CHCHD3: variants seen among roughly 807,000 people sequenced by gnomAD.
The protein encoded by CHCHD3 is MICOS complex subunit MIC19.
A neutral mutation model predicts 38.2 loss-of-function variants in CHCHD3; 20 were observed. The ratio of observed to expected loss-of-function variants is 0.52; its 90% CI spans 0.37 to 0.76. The LOEUF is 0.76. Ranked by LOEUF, CHCHD3 falls within the 30% of genes least tolerant of loss-of-function variation. The probability of loss-of-function intolerance (pLI) is 0.00; values close to 1 mark genes in which losing one functional copy is unlikely to be tolerated. For synonymous variants in CHCHD3, 82 were observed against 100.0 expected, an observed-to-expected ratio of 0.82 and a Z score of 1.07; for missense variants, 245 against 279.2, an observed-to-expected ratio of 0.88 and a Z score of 0.87.
chr7:132,953,480 C>A (rs1292259299), intron 4 of CHCHD3, among the ~76,000 whole-genome samples: 1 of 152,114 alleles, frequency 6.6e-6, no homozygotes, highest in East Asian at 1.9e-4. Context: ...ACCAAATTGC[C>A]ATTATACCAA....
At chr7:132,976,977 C>T (rs907658695) in intron 3 of CHCHD3, among the ~76,000 whole-genome samples, 5 of 152,038 alleles carry the variant, frequency 3.3e-5, no homozygotes, top group African/African-American at 4.8e-5. Flanking sequence ...ATCTGTATTT[C>T]GAAATTCTCT....
chr7:132,812,645 A>G lies in CHCHD3; in HGVS notation c.525-16068T>C, dbSNP rs116563095. 2.4e-3 allele frequency among the ~76,000 whole-genome samples: 370 copies of G among 152,144 alleles called. 3 individuals are homozygous for G. The highest frequency in any genetic ancestry group is 8.4e-3 in the African/African-American group (347 of 41,488). ...GGTCTCTTACCCTCATCTCTACCAC[A>G]ATTCATTATCAAAACAACAACAACC... On this transcript the variant is annotated intron_variant, in intron 6 of 7. Coordinates refer to ENST00000262570, the MANE Select transcript of CHCHD3 (RefSeq NM_017812.4).
intron 5 of CHCHD3, among the ~76,000 whole-genome samples, chr7:132,864,185 A>G (rs1479548844): frequency 6.6e-6 from 1 of 152,192 alleles, no homozygotes; most frequent in Admixed American, 6.5e-5. Context: ...TTAAAGAAAG[A>G]TGTGTGACTC....
intron 5 of CHCHD3, among the ~76,000 whole-genome samples, chr7:132,864,593 T>C (rs1193203548): frequency 6.6e-6 from 1 of 152,176 alleles, no homozygotes; most frequent in Non-Finnish European, 1.5e-5. Flanking sequence ...TAAATTTGTA[T>C]TTTTTTAAAA....
At chr7:132,976,004 G>A (rs539457273) in intron 3 of CHCHD3, among the ~76,000 whole-genome samples, 2 of 151,060 alleles carry the variant, frequency 1.3e-5, no homozygotes, top group African/African-American at 2.4e-5. Flanking sequence ...TACTCAACTC[G>A]TCCATTTACT....
At chr7:133,046,567 T>C (rs774744197) in intron 2 of CHCHD3, among the ~76,000 whole-genome samples, 19 of 84,490 alleles carry the variant, frequency 2.2e-4, no homozygotes, top group Admixed American at 7.0e-4. Context: ...CTATGTATTT[T>C]TTTGGGGGGG....
At chr7:132,844,003 T>C (rs1808007580) in intron 5 of CHCHD3, among the ~76,000 whole-genome samples, 2 of 152,050 alleles carry the variant, frequency 1.3e-5, no homozygotes, top group Admixed American at 1.3e-4. Flanking sequence ...AAAAGATAAA[T>C]AAAGAGAACA....
intron 4 of CHCHD3, among the ~76,000 whole-genome samples, chr7:132,910,819 A>C (rs1275956384): frequency 6.6e-6 from 1 of 152,088 alleles, no homozygotes; most frequent in Non-Finnish European, 1.5e-5. Flanking sequence ...GTCTTTCCTG[A>C]CCCTACCGAG....
At chr7:133,036,253 C>T (rs1191727070) in intron 2 of CHCHD3, among the ~76,000 whole-genome samples, 1 of 152,124 alleles carries the variant, frequency 6.6e-6, no homozygotes, top group African/African-American at 2.4e-5. Context: ...TGTTTTAACA[C>T]TTTTAAATGA....
chr7:133,039,257 CA>C (rs758021085), intron 2 of CHCHD3, among the ~76,000 whole-genome samples: 2 of 152,140 alleles, frequency 1.3e-5, no homozygotes, highest in African/African-American at 2.4e-5. Context: ...ACAAAGCTTT[CA>C]AGACATGGTA....
At chr7:132,848,341 A>G (rs967577124) in intron 5 of CHCHD3, among the ~76,000 whole-genome samples, 1 of 152,222 alleles carries the variant, frequency 6.6e-6, no homozygotes, top group Non-Finnish European at 1.5e-5. Flanking sequence ...ACTATGATAC[A>G]TAATCAGCTA....
rs2117391736 is a variant in CHCHD3 at position 133,001,564 on chromosome 7, C to T, written c.251+22982G>A. 2.0e-5 allele frequency among the ~76,000 whole-genome samples: 3 copies of T among 152,218 alleles called. No homozygotes were observed. In the South Asian group the frequency reaches 6.2e-4, roughly 32 times the overall value. Reference sequence around the variant, plus strand: ...TTAATCTGATAAGAAAAAAAGTCTTCTTATTTCTCTCACTTAGCACTTTTG... The same window carrying T: ...TTAATCTGATAAGAAAAAAAGTCTTTTTATTTCTCTCACTTAGCACTTTTG... On this transcript the variant is annotated intron_variant, in intron 3 of 7. Coordinates refer to ENST00000262570, the MANE Select transcript of CHCHD3 (RefSeq NM_017812.4).
intron 2 of CHCHD3, among the ~76,000 whole-genome samples, chr7:133,046,542 G>C (rs1183537894): frequency 3.3e-5 from 5 of 151,310 alleles, no homozygotes; most frequent in African/African-American, 1.2e-4. Context: ...TATATAATTG[G>C]TTTCTTTTGT....
chr7:133,046,040 T>G (rs183311798), intron 2 of CHCHD3, among the ~76,000 whole-genome samples: 1 of 152,228 alleles, frequency 6.6e-6, no homozygotes, highest in African/African-American at 2.4e-5. Context: ...TTTATAGCAG[T>G]GCAAGAACTA....
intron 3 of CHCHD3, among the ~76,000 whole-genome samples, chr7:133,024,249 G>A (rs1289079428): frequency 6.6e-6 from 1 of 152,158 alleles, no homozygotes; most frequent in African/African-American, 2.4e-5. Flanking sequence ...GATCGACTGG[G>A]AAATTCCTGG....
chr7:132,909,235 C>G (rs539002488), intron 4 of CHCHD3, among the ~76,000 whole-genome samples: 1 of 152,216 alleles, frequency 6.6e-6, no homozygotes, highest in Non-Finnish European at 1.5e-5. Flanking sequence ...TGGTGGTTCA[C>G]GCTGTCCCCG....
At chr7:132,827,344 A>G (rs1807532234) in intron 6 of CHCHD3, among the ~76,000 whole-genome samples, 1 of 152,226 alleles carries the variant, frequency 6.6e-6, no homozygotes, top group African/African-American at 2.4e-5. Context: ...GACCCCAACC[A>G]AAATATGGAA....
intron 5 of CHCHD3, among the ~76,000 whole-genome samples, chr7:132,844,433 TA>T (rs1222781127): frequency 1.3e-5 from 2 of 152,218 alleles, no homozygotes; most frequent in Non-Finnish European, 2.9e-5. Flanking sequence ...CTTTACAGTC[TA>T]AAATAAAAAC....
At chr7:132,845,425 T>A (rs1174274489) in intron 5 of CHCHD3, among the ~76,000 whole-genome samples, 2 of 152,202 alleles carry the variant, frequency 1.3e-5, no homozygotes, top group Non-Finnish European at 2.9e-5. Context: ...CATTGGTGAA[T>A]GTTGCTCACA....
Sources: allele counts gnomAD v4.1 joint callset (sites outside exome capture counted in the v4.1 genomes callset), GRCh38; gene constraint gnomAD v4.1.1; transcripts MANE v1.5; gene names NCBI Gene and HGNC (gene_info 2026-07-23, HGNC 2026-07-21).